RANBP17: variants seen among roughly 807,000 people sequenced by gnomAD.
RANBP17 encodes RAN binding protein 17, also known as ran-binding protein 17.
A neutral mutation model predicts 141.2 loss-of-function variants in RANBP17; 158 were observed. The ratio of observed to expected loss-of-function variants is 1.12; its 90% CI spans 0.98 to 1.28. The LOEUF (loss-of-function observed/expected upper bound fraction) is 1.28, where lower values mean the gene tolerates loss of function less well. Ranked by LOEUF, RANBP17 falls within the 50% of genes most tolerant of loss-of-function variation. The probability of loss-of-function intolerance (pLI) is 0.00; values close to 1 mark genes in which losing one functional copy is unlikely to be tolerated. For synonymous variants in RANBP17, 430 were observed against 450.0 expected, an observed-to-expected ratio of 0.96 and a Z score of 0.56; for missense variants, 1,438 against 1,290.7, an observed-to-expected ratio of 1.11 and a Z score of -1.75.
At chr5:171,216,859 G>A (rs761785027) in intron 21 of RANBP17, among the ~76,000 whole-genome samples, 13 of 152,184 alleles carry the variant, frequency 8.5e-5, no homozygotes, top group Non-Finnish European at 1.8e-4. Context: ...TCGGCAAACA[G>A]AGACAATTTG....
chr5:171,030,869 G>T (rs562194199), intron 14 of RANBP17, among the ~76,000 whole-genome samples: 1 of 152,130 alleles, frequency 6.6e-6, no homozygotes, highest in Non-Finnish European at 1.5e-5. Flanking sequence ...AAGGATGCTT[G>T]ATGGTTGTAT....
intron 16 of RANBP17, among the ~76,000 whole-genome samples, chr5:171,181,243 G>A (rs1032142274): frequency 5.3e-5 from 8 of 152,144 alleles, no homozygotes; most frequent in African/African-American, 1.7e-4. Flanking sequence ...GAGGTCAGGA[G>A]TTCAAGACCA....
intron 14 of RANBP17, among the ~76,000 whole-genome samples, chr5:171,115,369 A>G (rs1755546284): frequency 6.6e-6 from 1 of 152,158 alleles, no homozygotes; most frequent in Non-Finnish European, 1.5e-5. Flanking sequence ...TGACTATTCT[A>G]TTTCTAATCT....
chr5:170,980,414 G>C (rs1418264889), intron 14 of RANBP17, among the ~76,000 whole-genome samples: 1 of 152,162 alleles, frequency 6.6e-6, no homozygotes, highest in Non-Finnish European at 1.5e-5. Context: ...AGACCTTTGT[G>C]GGAGCCCCTC....
intron 25 of RANBP17, 42 bp downstream of exon 25, chr5:171,265,889 C>T: frequency 6.3e-7 from 1 of 1,587,918 alleles, no homozygotes; most frequent in South Asian, 1.1e-5. Flanking sequence ...ACAAGTGTTC[C>T]CAGAAGCCAT....
intron 13 of RANBP17, among the ~76,000 whole-genome samples, chr5:170,955,648 G>GTATATATATA (rs1159344330): frequency 2.6e-3 from 57 of 21,720 alleles, no homozygotes; most frequent in Admixed American, 2.6e-3. Flanking sequence ...TATGCTCAGT[G>GTATATATATA]TATATATATA....
chr5:170,879,731 C>T (rs959294154), intron 2 of RANBP17, among the ~76,000 whole-genome samples: 6 of 152,116 alleles, frequency 3.9e-5, no homozygotes, highest in African/African-American at 1.4e-4. Flanking sequence ...AAATTTTAGC[C>T]TTATCCCTGA....
At chr5:171,022,228 T>C (rs1396224064) in intron 14 of RANBP17, among the ~76,000 whole-genome samples, 1 of 152,218 alleles carries the variant, frequency 6.6e-6, no homozygotes, top group Non-Finnish European at 1.5e-5. Flanking sequence ...GGATTGTTCC[T>C]GTATTGGGTA....
intron 14 of RANBP17, among the ~76,000 whole-genome samples, chr5:170,991,171 T>G (rs1251025223): frequency 6.6e-6 from 1 of 151,960 alleles, no homozygotes; most frequent in Non-Finnish European, 1.5e-5. Flanking sequence ...AGATGAAAAT[T>G]ATTAAGTAGC....
At chr5:170,982,611 GAGAAAAT>G (rs1229009349) in intron 14 of RANBP17, among the ~76,000 whole-genome samples, 2 of 152,174 alleles carry the variant, frequency 1.3e-5, no homozygotes, top group Non-Finnish European at 2.9e-5. Context: ...GATAATAGGA[GAGAAAAT>G]AGAGAATCCA....
chr5:170,937,200 C>T (rs562191632), intron 12 of RANBP17, among the ~76,000 whole-genome samples: 16 of 152,298 alleles, frequency 1.1e-4, no homozygotes, highest in African/African-American at 3.9e-4. Context: ...TTTCATATCA[C>T]ACTGGTAGTC....
chr5:171,016,811 C>T (rs187305421), intron 14 of RANBP17, among the ~76,000 whole-genome samples: 35 of 151,948 alleles, frequency 2.3e-4, no homozygotes, highest in African/African-American at 4.8e-5. Flanking sequence ...GCGGGATACA[C>T]GTGCAGAACG....
rs560269708 is a variant in RANBP17, at chr5:171,197,911, C to T, written c.2039-1759C>T. 1.1e-4 allele frequency among the ~76,000 whole-genome samples: 17 copies of T among 152,186 alleles called. 1 individual carries two copies. The East Asian group carries it at 1.7e-3, about 16-fold the overall frequency. On this transcript the variant is annotated intron_variant, in intron 18 of 27. Coordinates refer to ENST00000523189, the MANE Select transcript of RANBP17 (RefSeq NM_022897.5). ...AAAATTAGCCGGGCGTTGTGGCAGGCGCCTGTAGTCCTAGCAACTCAGGAG... is the reference window on the plus strand; with the variant it reads ...AAAATTAGCCGGGCGTTGTGGCAGGTGCCTGTAGTCCTAGCAACTCAGGAG...
At chr5:171,260,479 AAGAGAT>A (rs1299217725) in intron 24 of RANBP17, among the ~76,000 whole-genome samples, 12 of 151,404 alleles carry the variant, frequency 7.9e-5, no homozygotes, top group African/African-American at 2.9e-4. Context: ...AAAAAAAAAA[AAGAGAT>A]AGATAACAGA....
chr5:171,280,585 A>G (rs1767794556), intron 25 of RANBP17, among the ~76,000 whole-genome samples: 1 of 152,182 alleles, frequency 6.6e-6, no homozygotes. Flanking sequence ...TAACTCATGG[A>G]AAGTTTAACC....
At chr5:171,139,413 C>T (rs1231439429) in intron 14 of RANBP17, among the ~76,000 whole-genome samples, 1 of 152,132 alleles carries the variant, frequency 6.6e-6, no homozygotes, top group African/African-American at 2.4e-5. Context: ...TTATATGAGA[C>T]TTATCTACAT....
intron 18 of RANBP17, among the ~76,000 whole-genome samples, chr5:171,193,352 A>G (rs1363271562): frequency 2.0e-5 from 3 of 150,924 alleles, no homozygotes; most frequent in Admixed American, 6.6e-5. Context: ...TTACTTTGAA[A>G]TGCATTTTGG....
intron 18 of RANBP17, among the ~76,000 whole-genome samples, chr5:171,194,915 C>T (rs916118822): frequency 6.6e-6 from 1 of 152,094 alleles, no homozygotes; most frequent in Non-Finnish European, 1.5e-5. Context: ...CATACTAAAA[C>T]AGTTACTCTT....
chr5:171,118,410 A>AT lies in RANBP17; in HGVS notation c.1711-51711dup, dbSNP rs565941197. On this transcript the variant is annotated intron_variant, in intron 14 of 27. Coordinates refer to ENST00000523189, the MANE Select transcript of RANBP17 (RefSeq NM_022897.5). ...TTTGTGCTTCTATACGACTTTTAGG[A>AT]TTTTTTTTTCTATTTCTGTGAAGAA... Among the ~76,000 whole-genome samples, 219 of 151,156 alleles carry AT rather than the reference A, an allele frequency of 1.4e-3. 2 individuals are homozygous for AT. Among genetic ancestry groups the AT allele is most frequent in the Non-Finnish European group, 2.3e-3 (156 of 67,758 alleles).
Sources: gnomAD v4.1 joint callset for allele counts (sites outside exome capture counted in the v4.1 genomes callset) on GRCh38, gnomAD v4.1.1 for gene constraint, MANE v1.5 for transcripts, NCBI Gene and HGNC (gene_info 2026-07-23, HGNC 2026-07-21) for gene names.